The following CDH13 variants were observed in gnomAD, a reference collection of about 807,000 sequenced individuals.
CDH13 encodes cadherin 13.
A neutral mutation model predicts 63.8 loss-of-function variants in CDH13; 24 were observed. The observed-to-expected ratio is 0.38, with a 90% CI of 0.27 to 0.53. CDH13 has a LOEUF of 0.53. Among genes scored for constraint, CDH13 ranks in the 20% least tolerant of loss-of-function variants. The pLI, the probability that CDH13 is intolerant of heterozygous loss-of-function variation, is 0.85. For synonymous variants in CDH13, 503 were observed against 355.3 expected (o/e 1.42, Z -4.67); for missense variants, 1,049 against 903.1 (o/e 1.16, Z -2.07).
chr16:83,360,087 T>C lies in CDH13; in HGVS notation c.781+15081T>C, dbSNP rs78131058. Among the ~76,000 whole-genome samples the C allele has an allele frequency of 5.3e-3, 802 of 152,358 alleles. 12 individuals carry two copies. Among genetic ancestry groups the C allele is most frequent in the African/African-American group, 0.018 (750 of 41,582 alleles). ...TAGCGTGTTGTTCAGGTTTCATCCATGTTCTGTGTAGCAGGTAACAGTACC... is the reference window on the plus strand; with the variant it reads ...TAGCGTGTTGTTCAGGTTTCATCCACGTTCTGTGTAGCAGGTAACAGTACC... On this transcript the variant is annotated intron_variant, in intron 6 of 13. Coordinates refer to ENST00000567109, the MANE Select transcript of CDH13 (RefSeq NM_001257.5).
chr16:82,782,661 C>T (rs1298692882), intron 1 of CDH13, among the ~76,000 whole-genome samples: 1 of 152,112 alleles, frequency 6.6e-6, no homozygotes. Context: ...ATTTAATTGG[C>T]ACAGACACTT....
chr16:83,240,617 G>C (rs1904331286), intron 5 of CDH13, among the ~76,000 whole-genome samples: 1 of 147,284 alleles, frequency 6.8e-6, no homozygotes, highest in African/African-American at 2.5e-5. Context: ...TGATGAAAGA[G>C]AGGAGGGTTG....
intron 1 of CDH13, among the ~76,000 whole-genome samples, chr16:82,807,356 A>G (rs1259538526): frequency 6.6e-6 from 1 of 152,204 alleles, no homozygotes; most frequent in African/African-American, 2.4e-5. Flanking sequence ...TGTTGACTGA[A>G]GAAATGAGAT....
rs774427272 is a variant in CDH13 at position 83,795,017 on chromosome 16, A to C, written c.2135-6A>C. 3 of 1,594,828 alleles carry C rather than the reference A, an allele frequency of 1.9e-6. No homozygotes were observed. Among genetic ancestry groups the C allele is most frequent in the South Asian group, 2.3e-5 (2 of 87,424 alleles). ...CCCGACTTAACTCTGAACCCTCTCT[A>C]TTCAGGTCTGTGAGAACTCCTGACG... is the stretch of plus-strand genomic sequence containing the variant. On this transcript the variant is annotated splice_region_variant and splice_polypyrimidine_tract_variant and intron_variant, in intron 13 of 13. Coordinates refer to ENST00000567109, the MANE Select transcript of CDH13 (RefSeq NM_001257.5).
chr16:83,784,186 T>A (rs1235848764), intron 13 of CDH13, among the ~76,000 whole-genome samples: 1 of 152,194 alleles, frequency 6.6e-6, no homozygotes, highest in Non-Finnish European at 1.5e-5. Context: ...TCGGTGTAAT[T>A]GTGAATTAGG....
At chr16:82,769,681 G>C (rs1053100198) in intron 1 of CDH13, among the ~76,000 whole-genome samples, 1 of 152,210 alleles carries the variant, frequency 6.6e-6, no homozygotes, top group Non-Finnish European at 1.5e-5. Context: ...TGATGCCCTA[G>C]ATTTTACTTT....
intron 6 of CDH13, among the ~76,000 whole-genome samples, chr16:83,438,238 T>C (rs576103553): frequency 2.6e-5 from 4 of 152,344 alleles, no homozygotes; most frequent in African/African-American, 9.6e-5. Flanking sequence ...ATATTTGGTC[T>C]TTGGTATTCA....
At chr16:82,824,177 G>C (rs549561080) in intron 1 of CDH13, 9 of 152,136 alleles carry the variant, frequency 5.9e-5, no homozygotes, top group African/African-American at 2.2e-4. Context: ...AACAAAATAA[G>C]TGATTTCAAT....
Position 83,199,839 on chromosome 16 carries a change from G to T in CDH13, c.484-17506G>T, listed in dbSNP as rs548660819. ...ACAGAAGGGAGAACTGAGGCTTAGAGGGGTGAAAAGATTTGCCCAAGGTTA... is the reference window on the plus strand; with the variant it reads ...ACAGAAGGGAGAACTGAGGCTTAGATGGGTGAAAAGATTTGCCCAAGGTTA... On this transcript the variant is annotated intron_variant, in intron 4 of 13. Coordinates refer to ENST00000567109, the MANE Select transcript of CDH13 (RefSeq NM_001257.5). Among the ~76,000 whole-genome samples, 13 of 152,278 alleles carry T rather than the reference G, an allele frequency of 8.5e-5. No individual in the cohort carries two copies. In the South Asian group the frequency reaches 2.7e-3, roughly 32 times the overall value.
intron 6 of CDH13, among the ~76,000 whole-genome samples, chr16:83,478,313 C>T (rs138327356): frequency 7.2e-5 from 11 of 152,302 alleles, no homozygotes; most frequent in Admixed American, 4.6e-4. Flanking sequence ...GCCTTGAGAG[C>T]GCTTTACTCA....
chr16:83,416,983 A>C (rs922233797), intron 6 of CDH13, among the ~76,000 whole-genome samples: 11 of 152,346 alleles, frequency 7.2e-5, no homozygotes, highest in Admixed American at 2.6e-4. Context: ...TTTTAAAAAT[A>C]GTGTTTTTAA....
intron 7 of CDH13, among the ~76,000 whole-genome samples, chr16:83,599,102 C>A (rs552275581): frequency 6.6e-6 from 1 of 152,094 alleles, no homozygotes; most frequent in Non-Finnish European, 1.5e-5. Context: ...GGGTGATGCC[C>A]GAGGGAATTA....
At chr16:82,694,448 C>T (rs1195229959) in intron 1 of CDH13, among the ~76,000 whole-genome samples, 1 of 152,118 alleles carries the variant, frequency 6.6e-6, no homozygotes, top group Non-Finnish European at 1.5e-5. Context: ...TGGGTAATTG[C>T]CTTTTTAGCT....
intron 6 of CDH13, among the ~76,000 whole-genome samples, chr16:83,384,309 T>C (rs2091629659): frequency 6.6e-6 from 1 of 152,198 alleles, no homozygotes; most frequent in Non-Finnish European, 1.5e-5. Flanking sequence ...CTGCCACCTC[T>C]GCCTGACTTC....
chr16:83,274,415 C>T (rs1026187089), intron 5 of CDH13, among the ~76,000 whole-genome samples: 20 of 152,158 alleles, frequency 1.3e-4, no homozygotes, highest in Non-Finnish European at 2.1e-4. Context: ...TGAGTGATCC[C>T]TTGCCTCCCT....
chr16:83,737,488 T>G (rs1307802539), intron 10 of CDH13, among the ~76,000 whole-genome samples: 2 of 152,196 alleles, frequency 1.3e-5, no homozygotes, highest in African/African-American at 4.8e-5. Context: ...TAAGAAAGCT[T>G]TATATCTATG....
At chr16:83,512,714 T>C (rs2074602324) in intron 7 of CDH13, among the ~76,000 whole-genome samples, 1 of 148,880 alleles carries the variant, frequency 6.7e-6, no homozygotes, top group South Asian at 2.1e-4. Context: ...ATAAAGAAAG[T>C]ACATGGGGAA....
At chr16:83,461,735 G>A (rs2073186808) in intron 6 of CDH13, among the ~76,000 whole-genome samples, 1 of 152,164 alleles carries the variant, frequency 6.6e-6, no homozygotes, top group Non-Finnish European at 1.5e-5. Context: ...ATCAAAGCAT[G>A]GTCAGAGGGT....
chr16:83,245,703 T>C (rs1463537295), intron 5 of CDH13, among the ~76,000 whole-genome samples: 1 of 152,246 alleles, frequency 6.6e-6, no homozygotes, highest in Non-Finnish European at 1.5e-5. Context: ...GTTTTCAGCA[T>C]GTTAAAGACT....
Sources: gnomAD v4.1 joint callset for allele counts (sites outside exome capture counted in the v4.1 genomes callset) on GRCh38, gnomAD v4.1.1 for gene constraint, MANE v1.5 for transcripts, NCBI Gene and HGNC (gene_info 2026-07-23, HGNC 2026-07-21) for gene names.